The following SORCS3 variants were observed in gnomAD, a reference collection of about 807,000 sequenced individuals.
SORCS3 encodes sortilin related VPS10 domain containing receptor 3, also known as VPS10 domain-containing receptor SorCS3.
A neutral mutation model predicts 146.3 loss-of-function variants in SORCS3; 57 were observed. The ratio of observed to expected loss-of-function variants is 0.39; its 90% CI spans 0.31 to 0.49. The LOEUF is 0.49. Among genes scored for constraint, SORCS3 ranks in the 20% least tolerant of loss-of-function variants. The probability of loss-of-function intolerance (pLI) is 0.92; values close to 1 mark genes in which losing one functional copy is unlikely to be tolerated. For missense variants in SORCS3, 1,341 were observed against 1,575.5 expected, an observed-to-expected ratio of 0.85 and a Z score of 2.52; for synonymous variants, 653 against 618.5, an observed-to-expected ratio of 1.06 and a Z score of -0.83.
chr10:104,759,095 T>C (rs1458656066), intron 1 of SORCS3, among the ~76,000 whole-genome samples: 2 of 152,076 alleles, frequency 1.3e-5, no homozygotes, highest in Admixed American at 1.3e-4. Context: ...CTGATGTCCT[T>C]ATAAAAGGGG....
intron 4 of SORCS3, among the ~76,000 whole-genome samples, chr10:104,983,994 C>T (rs1027983630): frequency 6.6e-6 from 1 of 152,098 alleles, no homozygotes; most frequent in African/African-American, 2.4e-5. Flanking sequence ...ATGAAACCAG[C>T]AACCTGATCA....
At chr10:105,050,202 C>T (rs1027454151) in intron 5 of SORCS3, among the ~76,000 whole-genome samples, 3 of 152,088 alleles carry the variant, frequency 2.0e-5, no homozygotes, top group African/African-American at 7.2e-5. Flanking sequence ...TCCAAGTGGG[C>T]TCCACTGATC....
intron 20 of SORCS3, among the ~76,000 whole-genome samples, chr10:105,238,019 C>T (rs1339533969): frequency 6.6e-6 from 1 of 152,156 alleles, no homozygotes; most frequent in Non-Finnish European, 1.5e-5. Flanking sequence ...ACACATATGA[C>T]ATTCTCCATA....
intron 1 of SORCS3, among the ~76,000 whole-genome samples, chr10:104,670,471 C>T (rs1271623861): frequency 6.6e-6 from 1 of 152,088 alleles, no homozygotes; most frequent in South Asian, 2.1e-4. Flanking sequence ...ATTGTCTTTG[C>T]ACCTTTCTCA....
intron 5 of SORCS3, among the ~76,000 whole-genome samples, chr10:105,045,477 T>A (rs922153656): frequency 6.6e-6 from 1 of 152,160 alleles, no homozygotes; most frequent in African/African-American, 2.4e-5. Context: ...CCGCGATTAT[T>A]CTTTTAGGTG....
chr10:104,811,226 GA>G (rs1177743483), intron 1 of SORCS3, among the ~76,000 whole-genome samples: 1 of 152,208 alleles, frequency 6.6e-6, no homozygotes, highest in Non-Finnish European at 1.5e-5. Flanking sequence ...ATACAAAGAT[GA>G]AAAACCTGAG....
At chr10:105,141,371 A>G (rs2056094389) in intron 8 of SORCS3, among the ~76,000 whole-genome samples, 2 of 152,194 alleles carry the variant, frequency 1.3e-5, no homozygotes, top group Admixed American at 1.3e-4. Flanking sequence ...GTGCTGGCCC[A>G]AGTTTTCATA....
intron 1 of SORCS3, among the ~76,000 whole-genome samples, chr10:104,764,873 G>T (rs1213745632): frequency 6.6e-6 from 1 of 152,158 alleles, no homozygotes; most frequent in Non-Finnish European, 1.5e-5. Flanking sequence ...GTGAAGAAAT[G>T]ACAAATAGGT....
At chr10:104,995,161 TCTC>T (rs796913485) in intron 4 of SORCS3, among the ~76,000 whole-genome samples, 23 of 145,028 alleles carry the variant, frequency 1.6e-4, no homozygotes, top group African/African-American at 2.4e-4. Context: ...TTTCTTTCTT[TCTC>T]TTTTTTTTTT....
chr10:104,717,552 C>A (rs1259374745), intron 1 of SORCS3, among the ~76,000 whole-genome samples: 6 of 152,078 alleles, frequency 3.9e-5, no homozygotes, highest in Admixed American at 2.0e-4. Context: ...TTTTCCCTTT[C>A]AGTTGCTACC....
intron 1 of SORCS3, among the ~76,000 whole-genome samples, chr10:104,793,336 T>C (rs2017515967): frequency 6.6e-6 from 1 of 152,164 alleles, no homozygotes; most frequent in Non-Finnish European, 1.5e-5. Flanking sequence ...TTCTAGTTTT[T>C]TATGGTTGAA....
At chr10:104,683,813 T>C (rs2016009699) in intron 1 of SORCS3, among the ~76,000 whole-genome samples, 1 of 152,174 alleles carries the variant, frequency 6.6e-6, no homozygotes, top group African/African-American at 2.4e-5. Context: ...ACAAACAATT[T>C]GCTTATTCCT....
chr10:105,028,501 G>A (rs1431306401), intron 4 of SORCS3, among the ~76,000 whole-genome samples: 3 of 152,134 alleles, frequency 2.0e-5, no homozygotes, highest in African/African-American at 7.2e-5. Flanking sequence ...TCACAGGACA[G>A]TCTGGCTCAG....
At chr10:104,680,615 T>C (rs1445568336) in intron 1 of SORCS3, among the ~76,000 whole-genome samples, 1 of 152,212 alleles carries the variant, frequency 6.6e-6, no homozygotes, top group African/African-American at 2.4e-5. Context: ...GGATAATTCA[T>C]AGAACCTACT....
At chr10:105,060,847 G>T (rs1379035888) in intron 5 of SORCS3, among the ~76,000 whole-genome samples, 1 of 151,772 alleles carries the variant, frequency 6.6e-6, no homozygotes, top group Admixed American at 6.6e-5. Flanking sequence ...TGAGACAGGA[G>T]AATCCCTTCA....
At chr10:105,228,575 A>T (rs775224029) in intron 20 of SORCS3, among the ~76,000 whole-genome samples, 9 of 152,084 alleles carry the variant, frequency 5.9e-5, no homozygotes, top group Admixed American at 2.0e-4. Flanking sequence ...TTGTCTGGGA[A>T]ATATTTCATT....
intron 2 of SORCS3, among the ~76,000 whole-genome samples, chr10:104,857,445 G>A (rs2018346982): frequency 6.6e-6 from 1 of 152,096 alleles, no homozygotes; most frequent in African/African-American, 2.4e-5. Context: ...ATGTTATGAT[G>A]TTCTTATTGC....
At chr10:104,960,012 G>C in intron 3 of SORCS3, among the ~76,000 whole-genome samples, 1 of 152,120 alleles carries the variant, frequency 6.6e-6, no homozygotes, top group Non-Finnish European at 1.5e-5. Context: ...AAGGGTTGTT[G>C]CAGCAGCAAG....
intron 1 of SORCS3, among the ~76,000 whole-genome samples, chr10:104,786,708 C>T (rs144296195): frequency 8.9e-4 from 136 of 152,150 alleles, no homozygotes; most frequent in African/African-American, 3.0e-3. Context: ...ACAAGCCATT[C>T]GAGACCAGGT....
Sources: gnomAD v4.1 joint callset for allele counts (sites outside exome capture counted in the v4.1 genomes callset) on GRCh38, gnomAD v4.1.1 for gene constraint, MANE v1.5 for transcripts, NCBI Gene and HGNC (gene_info 2026-07-23, HGNC 2026-07-21) for gene names.